SCAPER: variants seen among roughly 807,000 people sequenced by gnomAD.
SCAPER encodes S-phase cyclin A associated protein in the ER.
In SCAPER, 98 loss-of-function variants were observed where a neutral mutation model predicts 182.2. That is an observed-to-expected ratio of 0.54 (90% CI 0.46 to 0.64). The LOEUF is 0.64. SCAPER is among the 30% of genes least tolerant of loss of function. The pLI is 0.00. For missense variants in SCAPER, 1,432 were observed against 1,690.0 expected (o/e 0.85, Z 2.68); for synonymous variants, 605 against 564.6 (o/e 1.07, Z -1.01).
rs76609177 is a variant in SCAPER at position 76,860,538 on chromosome 15, A to G, written c.124+1878T>C. ...TAAAATAGTATGACACACATGAATT[A>G]GGTAAACAGACTAGTAGAATGGAAT... On this transcript the variant is annotated intron_variant, in intron 3 of 31. Coordinates refer to ENST00000563290, the MANE Select transcript of SCAPER (RefSeq NM_020843.4). 3.1e-3 allele frequency among the ~76,000 whole-genome samples: 468 copies of G among 152,328 alleles called. 5 individuals carry two copies. Among genetic ancestry groups the G allele is most frequent in the Non-Finnish European group, 4.6e-3 (316 of 68,002 alleles).
At chr15:76,682,788 T>G (rs376477259) in intron 20 of SCAPER, among the ~76,000 whole-genome samples, 58 of 151,792 alleles carry the variant, frequency 3.8e-4, no homozygotes, top group African/African-American at 1.4e-3. Flanking sequence ...AGCCTAGGAG[T>G]ACTTAGTTGA....
At chr15:76,475,095 C>A (rs748359463) in intron 24 of SCAPER, among the ~76,000 whole-genome samples, 2 of 152,062 alleles carry the variant, frequency 1.3e-5, no homozygotes, top group Non-Finnish European at 1.5e-5. Context: ...AAATAATGTG[C>A]ATTTATGCTG....
intron 5 of SCAPER, among the ~76,000 whole-genome samples, chr15:76,819,212 C>A (rs1406200407): frequency 6.6e-6 from 1 of 152,166 alleles, no homozygotes; most frequent in Admixed American, 6.5e-5. Flanking sequence ...CTTTAATGTC[C>A]CTCTCTGACA....
intron 9 of SCAPER, among the ~76,000 whole-genome samples, chr15:76,772,625 C>T (rs1056214938): frequency 4.0e-5 from 6 of 151,850 alleles, no homozygotes; most frequent in African/African-American, 1.4e-4. Flanking sequence ...TAGATATCTT[C>T]CCTATTGTCC....
chr15:76,662,895 G>C (rs2056304672), intron 21 of SCAPER, among the ~76,000 whole-genome samples: 1 of 151,636 alleles, frequency 6.6e-6, no homozygotes, highest in South Asian at 2.1e-4. Flanking sequence ...TTGACCTCTG[G>C]GCAGGCAAAG....
intron 24 of SCAPER, among the ~76,000 whole-genome samples, chr15:76,473,533 C>A (rs1170006833): frequency 6.6e-6 from 1 of 152,122 alleles, no homozygotes; most frequent in Non-Finnish European, 1.5e-5. Context: ...TGCTTAAGTT[C>A]TAGGTAAAAA....
chr15:76,736,943 A>T (rs2061304092), intron 15 of SCAPER: 1 of 153,240 alleles, frequency 6.5e-6, no homozygotes, highest in African/African-American at 2.4e-5. Flanking sequence ...CAGCAGGCTC[A>T]CTTCTAATTC....
chr15:76,537,048 T>G (rs1013345586), intron 23 of SCAPER, among the ~76,000 whole-genome samples: 18 of 152,068 alleles, frequency 1.2e-4, no homozygotes, highest in African/African-American at 2.7e-4. Context: ...CTGCAAACCA[T>G]TGCTCAATGA....
Position 76,417,249 on chromosome 15 carries a change from C to A in SCAPER, c.3312-12570G>T, listed in dbSNP as rs150684732. On this transcript the variant is annotated intron_variant, in intron 26 of 31. Transcript: ENST00000563290. ...AAACAAAAAAACAAGAAACTGTACTCTTCTGTGTTTTCCAAATTATTTTTG... is the reference window on the plus strand; with the variant it reads ...AAACAAAAAAACAAGAAACTGTACTATTCTGTGTTTTCCAAATTATTTTTG... 1.4e-3 allele frequency among the ~76,000 whole-genome samples: 220 copies of A among 152,072 alleles called. 2 individuals carry two copies. The highest frequency in any genetic ancestry group is 4.8e-3 in the African/African-American group (200 of 41,524).
intron 14 of SCAPER, among the ~76,000 whole-genome samples, chr15:76,760,629 A>G (rs780250436): frequency 4.6e-5 from 7 of 152,194 alleles, no homozygotes; most frequent in Non-Finnish European, 8.8e-5. Flanking sequence ...TATTCAGGAC[A>G]CTACCAAGAG....
intron 21 of SCAPER, among the ~76,000 whole-genome samples, chr15:76,664,033 T>A (rs914436834): frequency 1.5e-4 from 23 of 152,124 alleles, no homozygotes; most frequent in Admixed American, 1.5e-3. Flanking sequence ...GTTTCATTGA[T>A]AAGGTGACAT....
At chr15:76,421,637 T>C (rs1484932279) in intron 26 of SCAPER, among the ~76,000 whole-genome samples, 2 of 152,228 alleles carry the variant, frequency 1.3e-5, no homozygotes, top group African/African-American at 2.4e-5. Flanking sequence ...TAGATCCCAT[T>C]TGTCAACTTT....
chr15:76,653,126 G>A (rs970938146), intron 21 of SCAPER, among the ~76,000 whole-genome samples: 13 of 151,900 alleles, frequency 8.6e-5, no homozygotes, highest in Admixed American at 5.2e-4. Flanking sequence ...ATAGCCACAC[G>A]AAAAATGAAA....
At chr15:76,801,761 A>G (rs1295626607) in intron 6 of SCAPER, among the ~76,000 whole-genome samples, 2 of 152,166 alleles carry the variant, frequency 1.3e-5, no homozygotes, top group African/African-American at 4.8e-5. Context: ...GTCTACTAAA[A>G]ATACAAAAAT....
At position 76,740,480 on chromosome 15, in the gene SCAPER, T is replaced by C. The variant is rs112651793; in HGVS notation, c.1867-7096A>G. 2.0e-3 allele frequency among the ~76,000 whole-genome samples: 303 copies of C among 152,272 alleles called. 3 individuals carry two copies. The highest frequency in any genetic ancestry group is 6.6e-3 in the African/African-American group (275 of 41,540). On this transcript the variant is annotated intron_variant, in intron 15 of 31. Coordinates refer to ENST00000563290, the MANE Select transcript of SCAPER (RefSeq NM_020843.4). ...AGAACAATAATTTTTCAAGCTTCCATGCAGTAAATGTAAGTCACCTACAAG... is the reference window on the plus strand; with the variant it reads ...AGAACAATAATTTTTCAAGCTTCCACGCAGTAAATGTAAGTCACCTACAAG...
rs140640281 is a variant in SCAPER at position 76,795,836 on chromosome 15, T to C, written c.612-396A>G. Reference sequence around the variant, plus strand: ...CAGCACCCTGGGAAGCCAAGGCAGGTGGATCACTTGAGGCCAAGAGTTCAA... The same window carrying C: ...CAGCACCCTGGGAAGCCAAGGCAGGCGGATCACTTGAGGCCAAGAGTTCAA... On this transcript the variant is annotated intron_variant, in intron 7 of 31. Coordinates refer to ENST00000563290, the MANE Select transcript of SCAPER (RefSeq NM_020843.4). 1.6e-3 allele frequency among the ~76,000 whole-genome samples: 243 copies of C among 152,274 alleles called. 5 individuals carry two copies. In the East Asian group the frequency reaches 0.029, roughly 18 times the overall value.
chr15:76,577,513 T>C (rs548619314), intron 22 of SCAPER, among the ~76,000 whole-genome samples: 10 of 152,248 alleles, frequency 6.6e-5, no homozygotes, highest in African/African-American at 2.2e-4. Context: ...AGCTCAGCCA[T>C]AGTAGGACGG....
chr15:76,753,991 A>T (rs1480797585), intron 14 of SCAPER, 43 bp from the exon 15 acceptor site: 2 of 1,588,254 alleles, frequency 1.3e-6, no homozygotes, highest in South Asian at 2.3e-5. Flanking sequence ...CAATATATAC[A>T]ATCATTTAAA....
At chr15:76,730,024 A>G (rs1407484849) in intron 16 of SCAPER, among the ~76,000 whole-genome samples, 1 of 152,150 alleles carries the variant, frequency 6.6e-6, no homozygotes, top group African/African-American at 2.4e-5. Context: ...ACTTCACCTT[A>G]AAGAGCCTCA....
Sources: gnomAD v4.1 joint callset for allele counts (sites outside exome capture counted in the v4.1 genomes callset) on GRCh38, gnomAD v4.1.1 for gene constraint, MANE v1.5 for transcripts, NCBI Gene and HGNC (gene_info 2026-07-23, HGNC 2026-07-21) for gene names.